Variants in PI4K2A observed in about 807,000 individuals in gnomAD.
PI4K2A encodes the protein phosphatidylinositol 4-kinase type 2 alpha, also known as phosphatidylinositol 4-kinase type 2-alpha.
A neutral mutation model predicts 55.0 loss-of-function variants in PI4K2A; 20 were observed. The ratio of observed to expected loss-of-function variants is 0.36; its 90% CI spans 0.26 to 0.53. The LOEUF is 0.53. Ranked by LOEUF, PI4K2A falls within the 20% of genes least tolerant of loss-of-function variation. The probability of loss-of-function intolerance (pLI) is 0.91; values close to 1 mark genes in which losing one functional copy is unlikely to be tolerated. For synonymous variants in PI4K2A, 235 were observed against 258.5 expected, an observed-to-expected ratio of 0.91 and a Z score of 0.87; for missense variants, 463 against 637.1, an observed-to-expected ratio of 0.73 and a Z score of 2.94.
At chr10:97,642,806 TCTTCCTTCCTTCCTTCCTTC>T (rs1183100302) in intron 1 of PI4K2A, among the ~76,000 whole-genome samples, 5 of 105,302 alleles carry the variant, frequency 4.7e-5, no homozygotes, top group South Asian at 3.3e-4. Context: ...GCTTTCTCTT[TCTTCCTTCCTTCCTTCCTTC>T]CTTCCTTCCT....
intron 8 of PI4K2A, among the ~76,000 whole-genome samples, chr10:97,671,522 T>A (rs1332808642): frequency 6.6e-6 from 1 of 152,170 alleles, no homozygotes; most frequent in Non-Finnish European, 1.5e-5. Flanking sequence ...AATCTGCAAC[T>A]TTTCTCTAAA....
chr10:97,661,373 G>T (rs1335734197), intron 4 of PI4K2A, among the ~76,000 whole-genome samples: 1 of 119,740 alleles, frequency 8.4e-6, no homozygotes. Context: ...AAGAGATAAA[G>T]ACTTTTTTTT....
chr10:97,642,217 C>CTGT (rs907937624), intron 1 of PI4K2A, among the ~76,000 whole-genome samples: 4 of 152,008 alleles, frequency 2.6e-5, no homozygotes, highest in African/African-American at 9.7e-5. Context: ...CCAGGACGGG[C>CTGT]TGTTACTTGT....
intron 8 of PI4K2A, among the ~76,000 whole-genome samples, chr10:97,671,029 C>T (rs184384256): frequency 9.9e-5 from 15 of 151,848 alleles, no homozygotes; most frequent in East Asian, 9.7e-4. Context: ...CCCAGCTACT[C>T]GGGAGGCTGA....
intron 6 of PI4K2A, 86 bp downstream of exon 6, chr10:97,665,070 A>G: frequency 1.3e-6 from 1 of 783,924 alleles, no homozygotes. Context: ...TGTCTCTATC[A>G]TAGGATTATT....
intron 1 of PI4K2A, among the ~76,000 whole-genome samples, chr10:97,646,941 AT>A (rs1470319031): frequency 1.3e-4 from 19 of 151,234 alleles, no homozygotes; most frequent in African/African-American, 4.4e-4. Flanking sequence ...TGCCCGGCTA[AT>A]TTTTTCTATT....
intron 8 of PI4K2A, among the ~76,000 whole-genome samples, chr10:97,669,159 C>T (rs1367189275): frequency 6.6e-6 from 1 of 152,164 alleles, no homozygotes; most frequent in African/African-American, 2.4e-5. Context: ...AGCCACTGAG[C>T]CCGGCCTGGA....
chr10:97,666,958 C>G, intron 7 of PI4K2A, 103 bp from the exon 8 acceptor site: 1 of 833,320 alleles, frequency 1.2e-6, no homozygotes, highest in Non-Finnish European at 2.0e-6. Flanking sequence ...CTGCAGAAGC[C>G]TTATGCAGGT....
At chr10:97,671,052 G>A (rs896862037) in intron 8 of PI4K2A, among the ~76,000 whole-genome samples, 4 of 152,022 alleles carry the variant, frequency 2.6e-5, no homozygotes, top group South Asian at 2.1e-4. Flanking sequence ...CAGGAGAATC[G>A]CTTGAACCCA....
At chr10:97,650,278 C>CTTTTTTTTTTTTTT (rs71007356) in intron 1 of PI4K2A, among the ~76,000 whole-genome samples, 9 of 108,070 alleles carry the variant, frequency 8.3e-5, no homozygotes, top group East Asian at 2.8e-4. Context: ...GCTTCTGTAC[C>CTTTTTTTTTTTTTT]TTTTTTTTTT....
intron 1 of PI4K2A, among the ~76,000 whole-genome samples, chr10:97,649,311 G>C (rs2041519137): frequency 6.6e-6 from 1 of 152,164 alleles, no homozygotes; most frequent in Non-Finnish European, 1.5e-5. Context: ...AACAACCTCA[G>C]AGGGCTGACT....
At chr10:97,660,083 C>G (rs1352417766) in intron 4 of PI4K2A, among the ~76,000 whole-genome samples, 5 of 149,714 alleles carry the variant, frequency 3.3e-5, no homozygotes, top group East Asian at 2.0e-4. Flanking sequence ...CTCACTGCAA[C>G]CTCCGCCTCC....
At chr10:97,642,854 T>TTCCTTCCTTCCTTC (rs1564772283) in intron 1 of PI4K2A, among the ~76,000 whole-genome samples, 5 of 14,214 alleles carry the variant, frequency 3.5e-4, no homozygotes, top group Admixed American at 3.5e-3. Flanking sequence ...TTCCTTCCTT[T>TTCCTTCCTTCCTTC]CTTTCTTTCT....
intron 4 of PI4K2A, among the ~76,000 whole-genome samples, chr10:97,658,139 C>T (rs986351776): frequency 1.3e-5 from 2 of 152,104 alleles, no homozygotes; most frequent in African/African-American, 4.8e-5. Context: ...GCCTCCAGAA[C>T]TCTTTTCATC....
In PI4K2A at chr10:97,656,756, A is replaced by G. The variant is rs1005059025; in HGVS notation, c.769-65A>G. The G allele has an allele frequency of 6.1e-6, 9 of 1,474,100 alleles. No homozygotes were observed. Among genetic ancestry groups the G allele is most frequent in the Admixed American group, 3.4e-5 (2 of 58,422 alleles). 91.3% of individuals were successfully genotyped at this position (1,474,100 alleles called of 1,614,324 possible). On this transcript the variant is annotated intron_variant, in intron 3 of 8. Transcript: ENST00000370631. The surrounding 1 kb of genome is among the most constrained non-coding windows in gnomAD (Gnocchi z 4.5). ...TAGGGCCTTAATGGGTATCTGGCAT[A>G]TACTCCAAAGGTCTTTGGATTTGGG...
At chr10:97,657,814 G>A (rs2041562632) in intron 4 of PI4K2A, among the ~76,000 whole-genome samples, 1 of 105,622 alleles carries the variant, frequency 9.5e-6, no homozygotes, top group South Asian at 2.8e-4. Flanking sequence ...TTGTGCAACT[G>A]TCACCACCAT....
At chr10:97,651,029 G>A in exon 2 of PI4K2A, 1 of 1,614,060 alleles carries the variant, frequency 6.2e-7, no homozygotes, top group Non-Finnish European at 8.5e-7. Context: ...AAGCTGTGCT[G>A]TCCTTGCTGC....
intron 8 of PI4K2A, among the ~76,000 whole-genome samples, chr10:97,671,366 C>T (rs1422105266): frequency 6.6e-6 from 1 of 151,824 alleles, no homozygotes; most frequent in Admixed American, 6.6e-5. Context: ...TTGGGAGGGT[C>T]ATTTGAGGCC....
At chr10:97,643,539 A>G (rs1020700675) in intron 1 of PI4K2A, among the ~76,000 whole-genome samples, 37 of 152,162 alleles carry the variant, frequency 2.4e-4, no homozygotes, top group Admixed American at 2.0e-3. Context: ...ACAGAGAAGG[A>G]CAGACCATAG....
Sources: allele counts gnomAD v4.1 joint callset (sites outside exome capture counted in the v4.1 genomes callset), GRCh38; gene constraint gnomAD v4.1.1; non-coding constraint Gnocchi (gnomAD v3.1); transcripts MANE v1.5; gene names NCBI Gene and HGNC (gene_info 2026-07-23, HGNC 2026-07-21).